Variants in MED26 observed in about 807,000 individuals in gnomAD.
MED26 encodes mediator of RNA polymerase II transcription subunit 26.
MED26 carries 7 observed loss-of-function variants against 43.7 expected under a neutral mutation model. The ratio of observed to expected loss-of-function variants is 0.16; its 90% CI spans 0.09 to 0.30. MED26 has a LOEUF of 0.30. Among genes scored for constraint, MED26 ranks in the 10% least tolerant of loss-of-function variants. MED26 has a pLI of 1.00. For synonymous variants in MED26, 375 were observed against 371.1 expected, an observed-to-expected ratio of 1.01 and a Z score of -0.12; for missense variants, 784 against 840.6, an observed-to-expected ratio of 0.93 and a Z score of 0.83.
At chr19:16,622,425 G>A (rs550351242) in intron 1 of MED26, among the ~76,000 whole-genome samples, 1 of 152,356 alleles carries the variant, frequency 6.6e-6, no homozygotes, top group South Asian at 2.1e-4. Flanking sequence ...AAATGTAACT[G>A]CAGTGCCTCC....
At chr19:16,613,101 T>C (rs1158355360) in intron 1 of MED26, among the ~76,000 whole-genome samples, 4 of 152,140 alleles carry the variant, frequency 2.6e-5, no homozygotes, top group Non-Finnish European at 5.9e-5. Context: ...CCTCACTTTA[T>C]AGAGAGTATT....
intron 1 of MED26, among the ~76,000 whole-genome samples, chr19:16,606,697 A>C (rs1315386346): frequency 6.6e-6 from 1 of 152,224 alleles, no homozygotes; most frequent in African/African-American, 2.4e-5. Context: ...TCAGTGATGA[A>C]GTCAGCAACA....
At chr19:16,616,099 T>C (rs1287994752) in intron 1 of MED26, among the ~76,000 whole-genome samples, 4 of 152,166 alleles carry the variant, frequency 2.6e-5, no homozygotes, top group African/African-American at 9.7e-5. Flanking sequence ...AAAACGAGGA[T>C]GCAGAGACCA....
chr19:16,583,738 C>T (rs1040082848), intron 1 of MED26, among the ~76,000 whole-genome samples: 5 of 152,110 alleles, frequency 3.3e-5, no homozygotes, highest in Non-Finnish European at 5.9e-5. Context: ...ACTGTCACAC[C>T]GAACACTTTC....
chr19:16,598,621 C>T (rs1005310480), intron 1 of MED26, among the ~76,000 whole-genome samples: 2 of 152,176 alleles, frequency 1.3e-5, no homozygotes, highest in African/African-American at 2.4e-5. Flanking sequence ...GTTGAGAAGT[C>T]GCGTCAACAA....
At chr19:16,581,721 G>C (rs889926658) in intron 1 of MED26, among the ~76,000 whole-genome samples, 1 of 152,366 alleles carries the variant, frequency 6.6e-6, no homozygotes, top group Non-Finnish European at 1.5e-5. Context: ...CCTGGAAACT[G>C]TGTGGGAGCT....
chr19:16,578,131 T>G, intron 2 of MED26: 1 of 604,156 alleles, frequency 1.7e-6, no homozygotes, highest in Non-Finnish European at 3.0e-6. Context: ...GTGCTGGGCA[T>G]GTAGGATGGG....
intron 1 of MED26, among the ~76,000 whole-genome samples, chr19:16,580,602 C>G (rs2086040499): frequency 6.6e-6 from 1 of 152,080 alleles, no homozygotes; most frequent in South Asian, 2.1e-4. Flanking sequence ...AACTCCTGAC[C>G]TCAGGTGATC....
intron 1 of MED26, among the ~76,000 whole-genome samples, chr19:16,600,507 C>A (rs1178155025): frequency 6.6e-6 from 1 of 152,154 alleles, no homozygotes; most frequent in African/African-American, 2.4e-5. Flanking sequence ...CCCTGCCTCT[C>A]CCCACAGACC....
chr19:16,583,475 G>A (rs3786594), intron 1 of MED26, among the ~76,000 whole-genome samples: 19,398 of 152,122 alleles, frequency 0.13, 1,309 homozygotes, highest in South Asian at 0.15. Flanking sequence ...TCATTGCTGC[G>A]GGAAGTGCCT....
chr19:16,577,194 G>A lies in MED26; in HGVS notation c.636C>T (p.Asp212=), dbSNP rs1240492142. 5.0e-6 allele frequency: 8 copies of A among 1,613,166 alleles called. No individual in the cohort carries two copies. The highest frequency in any genetic ancestry group is 2.2e-5 in the South Asian group (2 of 91,088). The change falls in exon 3 of 3, where the codon GAC becomes GAT. Residue 212 remains aspartate, a synonymous_variant. Transcript: ENST00000263390. This position sits in a 1 kb window ranked among gnomAD's most constrained non-coding sequence, Gnocchi z 8.1. ...TCTTGCCACTGTGCTTGTCATTCTC[G>A]TCACGCTCCAGGCGGCTGCCCTCTG... ...AGPEGSRLER[D]ENDKHSGKIP...
chr19:16,618,520 C>T (rs1200276697), intron 1 of MED26, among the ~76,000 whole-genome samples: 4 of 152,210 alleles, frequency 2.6e-5, no homozygotes, highest in African/African-American at 9.6e-5. Context: ...ACTCACAACT[C>T]CACGCGGTGA....
chr19:16,609,045 C>T (rs1381460982), intron 1 of MED26, among the ~76,000 whole-genome samples: 2 of 152,014 alleles, frequency 1.3e-5, no homozygotes, highest in African/African-American at 4.8e-5. Flanking sequence ...GCTGGTGCAG[C>T]GGCTCACACA....
rs958904334 is a variant in MED26, at chr19:16,628,146, G to A, written c.-203C>T. ...GGCCGCCGCCGCCACCAAAGGAGGA[G>A]GAGGAGCCGCCGGAGCCGCCGCCGC... On this transcript the variant is annotated 5_prime_UTR_variant, in exon 1 of 3. Coordinates refer to ENST00000263390, the MANE Select transcript of MED26 (RefSeq NM_004831.5). 4 of 367,682 alleles carry A rather than the reference G, an allele frequency of 1.1e-5. No individual in the cohort carries two copies. Among genetic ancestry groups the A allele is most frequent in the Admixed American group, 4.7e-5 (1 of 21,272 alleles). 22.8% of individuals were successfully genotyped at this position (367,682 alleles called of 1,614,324 possible).
At chr19:16,612,931 C>G (rs1480589420) in intron 1 of MED26, among the ~76,000 whole-genome samples, 1 of 152,164 alleles carries the variant, frequency 6.6e-6, no homozygotes, top group African/African-American at 2.4e-5. Flanking sequence ...TGAAAAAGAA[C>G]AGCATTTGTG....
chr19:16,579,972 T>G (rs1244242972), intron 1 of MED26, among the ~76,000 whole-genome samples: 1 of 152,214 alleles, frequency 6.6e-6, no homozygotes, highest in Non-Finnish European at 1.5e-5. Context: ...TCACCATCCC[T>G]TCCAGAGTGG....
At chr19:16,606,059 A>C (rs2086171667) in intron 1 of MED26, among the ~76,000 whole-genome samples, 1 of 152,198 alleles carries the variant, frequency 6.6e-6, no homozygotes, top group African/African-American at 2.4e-5. Context: ...ACCACACCAG[A>C]CAGCCAGACA....
chr19:16,597,799 C>T (rs923204679), intron 1 of MED26, among the ~76,000 whole-genome samples: 13 of 152,118 alleles, frequency 8.5e-5, no homozygotes, highest in South Asian at 2.1e-4. Context: ...CTCAGCTCAC[C>T]GCAACCTCTG....
At chr19:16,616,620 A>G (rs1435970344) in intron 1 of MED26, among the ~76,000 whole-genome samples, 3 of 152,184 alleles carry the variant, frequency 2.0e-5, no homozygotes, top group African/African-American at 4.8e-5. Flanking sequence ...AAAGGCAGAG[A>G]TGAAGAAGGT....
Sources: allele counts gnomAD v4.1 joint callset (sites outside exome capture counted in the v4.1 genomes callset), GRCh38; gene constraint gnomAD v4.1.1; non-coding constraint Gnocchi (gnomAD v3.1); transcripts MANE v1.5; gene names NCBI Gene and HGNC (gene_info 2026-07-23, HGNC 2026-07-21).